The following CPVL variants were observed in gnomAD, a reference collection of about 807,000 sequenced individuals.
CPVL encodes carboxypeptidase vitellogenic like, also known as probable serine carboxypeptidase CPVL.
Under a neutral mutation model 63.7 loss-of-function variants are expected in CPVL, and 51 were observed. That is an observed-to-expected ratio of 0.80 (90% CI 0.64 to 1.01). CPVL has a LOEUF of 1.01. Ranked by LOEUF, CPVL falls within the 50% of genes least tolerant of loss-of-function variation. CPVL has a pLI of 0.00. For missense variants in CPVL, 530 were observed against 573.1 expected, an observed-to-expected ratio of 0.92 and a Z score of 0.77; for synonymous variants, 195 against 206.0, an observed-to-expected ratio of 0.95 and a Z score of 0.46.
rs117744081 is a variant in CPVL, at chr7:29,092,663, A to G, written c.502T>C (p.Tyr168His). ...GFSFTDDTHG[Y>H]AVNEDDVARD... ...GCTACATCGTCCTCATTGACTGCAT[A>G]TCCGTGGGTATCATCAGTAAAACTG... is the stretch of plus-strand genomic sequence containing the variant. Residue 168 changes from tyrosine (Y) to histidine (H), a missense_variant, in exon 6 of 13, where the codon TAT becomes CAT. Transcript: ENST00000265394. The G allele has an allele frequency of 0.028, 44,619 of 1,613,654 alleles. 729 individuals carry two copies. Among genetic ancestry groups the G allele is most frequent in the Non-Finnish European group, 0.032 (37,730 of 1,179,556 alleles).
At chr7:29,093,349 C>A (rs1165450096) in intron 5 of CPVL, among the ~76,000 whole-genome samples, 1 of 145,356 alleles carries the variant, frequency 6.9e-6, no homozygotes, top group Admixed American at 7.1e-5. Context: ...TGCATTCCAG[C>A]CTGGGTGACC....
At chr7:29,147,800 A>G (rs918451097), upstream of CPVL, among the ~76,000 whole-genome samples, 4 of 152,224 alleles carry the variant, frequency 2.6e-5, no homozygotes, top group Admixed American at 1.3e-4. Flanking sequence ...ATACCTAAAT[A>G]TTTAAAAGTT....
At chr7:29,126,607 G>T (rs1295207896) in intron 1 of CPVL, 1 of 152,158 alleles carries the variant, frequency 6.6e-6, no homozygotes, top group Non-Finnish European at 1.5e-5. Flanking sequence ...GCAGGATGAG[G>T]ACAAACAAAC....
At chr7:29,149,189 C>CTTTTTTT (rs60520174), upstream of CPVL, among the ~76,000 whole-genome samples, 2 of 100,338 alleles carry the variant, frequency 2.0e-5, no homozygotes, top group Non-Finnish European at 3.7e-5. Context: ...GTCTGTTTCC[C>CTTTTTTT]TTTTTTTTTT....
In CPVL at chr7:29,146,492, A is replaced by G; in HGVS notation, c.-74T>C. 6.9e-7 allele frequency: 1 copy of G among 1,453,430 alleles called. No individual in the cohort carries two copies. Among genetic ancestry groups the G allele is most frequent in the Non-Finnish European group, 9.1e-7 (1 of 1,102,776 alleles). 90.0% of individuals were successfully genotyped at this position (1,453,430 alleles called of 1,614,324 possible). ...AAGGACCCCAGCCGGTTGTCCTTGC[A>G]GCGCTTCCCAAATCAGGCAGAAGTG... On this transcript the variant is annotated 5_prime_UTR_variant, in exon 1 of 13. Transcript: ENST00000265394.
intron 11 of CPVL, among the ~76,000 whole-genome samples, chr7:29,035,435 T>C (rs1788429391): frequency 6.6e-6 from 1 of 152,212 alleles, no homozygotes; most frequent in African/African-American, 2.4e-5. Flanking sequence ...TGAGAGTTAG[T>C]TGCATATGAG....
intron 7 of CPVL, chr7:29,081,193 A>G (rs921206642): frequency 2.6e-5 from 4 of 152,268 alleles, no homozygotes; most frequent in Non-Finnish European, 5.9e-5. Context: ...AACAAGGGCA[A>G]TCTCACTAAT....
At chr7:29,063,779 C>T (rs1279799933) in intron 11 of CPVL, among the ~76,000 whole-genome samples, 1 of 151,986 alleles carries the variant, frequency 6.6e-6, no homozygotes, top group Non-Finnish European at 1.5e-5. Flanking sequence ...ACCATGTTGG[C>T]CAGGCTGGTC....
rs1252438503 is a variant in CPVL, at chr7:29,087,216, G to C, written c.543-666C>G. Among the ~76,000 whole-genome samples the C allele has an allele frequency of 2.0e-5, 3 of 152,080 alleles. No homozygotes were observed. The East Asian group carries it at 5.8e-4, about 29-fold the overall frequency. On this transcript the variant is annotated intron_variant, in intron 6 of 12. Coordinates refer to ENST00000265394, the MANE Select transcript of CPVL (RefSeq NM_031311.5). ...TAAGGTGGGCGGATAACGAGGTCAG[G>C]AGTTCGAGACCAGCCTAGCCAACAT...
intron 3 of CPVL, among the ~76,000 whole-genome samples, chr7:29,108,963 A>T (rs909520225): frequency 6.6e-6 from 1 of 152,172 alleles, no homozygotes; most frequent in Non-Finnish European, 1.5e-5. Context: ...CTAATTTTAT[A>T]TTCCAGTTCT....
rs780931131 is a variant in CPVL at position 29,030,592 on chromosome 7, C to A, written c.1305G>T (p.Ala435=). The change falls in exon 12 of 13, where the codon GCG becomes GCT. Residue 435 remains alanine, a synonymous_variant. Transcript: ENST00000265394. ...DSEVAGYIRQ[A]GDFHQVIIRG... ...ATCTTCCTACCTGATGGAAGTCACC[C>A]GCTTGCCGGATGTAACCAGCCACTT... 1.9e-6 allele frequency: 3 copies of A among 1,612,088 alleles called. No homozygotes were observed. The highest frequency in any genetic ancestry group is 2.5e-6 in the Non-Finnish European group (3 of 1,179,030).
intron 2 of CPVL, 35 bp downstream of exon 2, chr7:29,120,858 G>A: frequency 6.8e-7 from 1 of 1,462,516 alleles, no homozygotes; most frequent in Non-Finnish European, 9.5e-7. Flanking sequence ...TTGAACTCAT[G>A]CCAGTGGTTT....
intron 12 of CPVL, among the ~76,000 whole-genome samples, chr7:29,024,957 C>T (rs1020236321): frequency 6.6e-6 from 1 of 152,102 alleles, no homozygotes; most frequent in Non-Finnish European, 1.5e-5. Context: ...GTTACCACTA[C>T]AGAAAACCAT....
In CPVL at chr7:29,064,137, ATAGT is replaced by A. The variant is rs772143060; in HGVS notation, c.1057_1060del (p.Thr353Ter). 5.6e-6 allele frequency: 9 copies of A among 1,612,762 alleles called. No homozygotes were observed. Among genetic ancestry groups the A allele is most frequent in the Non-Finnish European group, 7.6e-6 (9 of 1,178,936 alleles). On this transcript the variant is annotated frameshift_variant, in exon 11 of 13. Transcript: ENST00000265394. LOFTEE classifies it high-confidence loss of function. ...ATCTTCTCGCAAGTACTTTTCAACT[ATAGT>A]TCCATCATTAAAAGTCTGATTCCCC...
At chr7:29,089,678 G>C (rs561520162) in intron 6 of CPVL, among the ~76,000 whole-genome samples, 1 of 152,266 alleles carries the variant, frequency 6.6e-6, no homozygotes, top group South Asian at 2.1e-4. Flanking sequence ...CCATTCCCTA[G>C]AAAATTCTGC....
intron 11 of CPVL, among the ~76,000 whole-genome samples, chr7:29,048,261 G>A (rs143686246): frequency 0.047 from 7,159 of 152,170 alleles, 403 homozygotes; most frequent in East Asian, 0.25. Context: ...CCACTTAAAA[G>A]ATACAGAACT....
At chr7:29,044,504 C>T (rs945391087) in intron 11 of CPVL, among the ~76,000 whole-genome samples, 1 of 152,118 alleles carries the variant, frequency 6.6e-6, no homozygotes, top group African/African-American at 2.4e-5. Context: ...TATATCCTCT[C>T]ACACTTTATT....
At chr7:29,126,170 T>G (rs569796261) in intron 1 of CPVL, among the ~76,000 whole-genome samples, 1 of 152,356 alleles carries the variant, frequency 6.6e-6, no homozygotes, top group African/African-American at 2.4e-5. Flanking sequence ...TTTTTGTATC[T>G]GTGTGGTAGA....
chr7:29,158,030 G>T (rs1175368117), intron 5 of CPVL, among the ~76,000 whole-genome samples: 2 of 152,150 alleles, frequency 1.3e-5, no homozygotes, highest in African/African-American at 4.8e-5. Flanking sequence ...CCCAGAAAAG[G>T]CAAGATGGCA....
Sources: gnomAD v4.1 joint callset for allele counts (sites outside exome capture counted in the v4.1 genomes callset) on GRCh38, gnomAD v4.1.1 for gene constraint, MANE v1.5 for transcripts, NCBI Gene and HGNC (gene_info 2026-07-23, HGNC 2026-07-21) for gene names.